RNF122: variants seen among roughly 807,000 people sequenced by gnomAD.
RNF122 encodes the protein ring finger protein 122.
In RNF122, 17 loss-of-function variants were observed where a neutral mutation model predicts 24.2. That is an observed-to-expected ratio of 0.70 (90% confidence interval 0.48 to 1.06). The LOEUF is 1.06. Among genes scored for constraint, RNF122 ranks in the 50% least tolerant of loss-of-function variants. The probability of loss-of-function intolerance (pLI) is 0.00; values close to 1 mark genes in which losing one functional copy is unlikely to be tolerated. For synonymous variants in RNF122, 65 were observed against 71.8 expected, an observed-to-expected ratio of 0.91 and a Z score of 0.48; for missense variants, 168 against 198.1, an observed-to-expected ratio of 0.85 and a Z score of 0.91.
Position 33,566,911 on chromosome 8 carries a change from A to G in RNF122, c.-188T>C, listed in dbSNP as rs2128841351. The stretch of plus-strand genomic sequence containing the variant: ...TGACGAGGCTGGTGTTCAGCCCAAC[A>G]AAGAGGGACGAGGAGGAAACAAACA... On this transcript the variant is annotated 5_prime_UTR_variant, in exon 1 of 6. Coordinates refer to ENST00000256257, the MANE Select transcript of RNF122 (RefSeq NM_024787.3). 3.1e-6 allele frequency: 2 copies of G among 647,246 alleles called. No individual in the cohort carries two copies. The highest frequency in any genetic ancestry group is 5.6e-5 in the East Asian group (2 of 35,426). 40.1% of individuals were successfully genotyped at this position (647,246 alleles called of 1,614,324 possible). A position where few individuals can be genotyped will look rare whatever the true frequency, so the allele number is the denominator to read the frequency against.
At chr8:33,549,248 CCT>C (rs1350045770) in intron 5 of RNF122, among the ~76,000 whole-genome samples, 160 bp downstream of exon 5, 6 of 148,792 alleles carry the variant, frequency 4.0e-5, no homozygotes, top group Admixed American at 4.0e-4. Flanking sequence ...TATCCCTACC[CCT>C]GTCCCAACCT....
intron 2 of RNF122, among the ~76,000 whole-genome samples, chr8:33,557,845 A>G (rs181811382): frequency 4.6e-4 from 70 of 152,144 alleles, no homozygotes; most frequent in African/African-American, 1.6e-3. Context: ...ATAAGGCGGA[A>G]TAAACAAGTA....
intron 1 of RNF122, among the ~76,000 whole-genome samples, chr8:33,560,986 G>A (rs944678922): frequency 1.1e-4 from 16 of 152,042 alleles, no homozygotes; most frequent in Admixed American, 1.1e-3. Context: ...TGGCAGAAGG[G>A]AAAGGGAAAG....
chr8:33,552,330 C>T (rs770790823), intron 2 of RNF122, among the ~76,000 whole-genome samples: 2 of 151,924 alleles, frequency 1.3e-5, no homozygotes, highest in Non-Finnish European at 2.9e-5. Flanking sequence ...ACCCAGGAGA[C>T]GGAGGTTGCA....
At chr8:33,551,719 C>A (rs930237808) in intron 2 of RNF122, among the ~76,000 whole-genome samples, 1 of 152,174 alleles carries the variant, frequency 6.6e-6, no homozygotes, top group Non-Finnish European at 1.5e-5. Context: ...ACATAGAAAT[C>A]AACACTGTGT....
chr8:33,561,255 T>G (rs954716573), intron 1 of RNF122, among the ~76,000 whole-genome samples: 1 of 152,128 alleles, frequency 6.6e-6, no homozygotes, highest in Non-Finnish European at 1.5e-5. Flanking sequence ...CCAGGATGCA[T>G]TCACATGCCA....
In RNF122 at chr8:33,558,696, G is replaced by A. The variant is rs866871197; in HGVS notation, c.101C>T (p.Pro34Leu). 7 of 1,612,416 alleles carry A rather than the reference G, an allele frequency of 4.3e-6. No homozygotes were observed. Among genetic ancestry groups the A allele is most frequent in the African/African-American group, 1.3e-5 (1 of 75,020 alleles). The change falls in exon 2 of 6, where the codon CCG becomes CTG. Residue 34 changes from proline (P) to leucine (L), a missense_variant. Coordinates refer to ENST00000256257, the MANE Select transcript of RNF122 (RefSeq NM_024787.3). Reference sequence around the variant, plus strand: ...GAAGATGACCATATAGATGTTGAGCGGAAGGTCCTGGAAACTGATGGGTGG... The same window carrying A: ...GAAGATGACCATATAGATGTTGAGCAGAAGGTCCTGGAAACTGATGGGTGG... ...SMPPISFQDLPLNIYMVIFGT... is the reference protein window; with the variant it reads ...SMPPISFQDLLLNIYMVIFGT...
intron 4 of RNF122, among the ~76,000 whole-genome samples, chr8:33,550,445 T>G (rs1292686762): frequency 1.3e-5 from 2 of 151,906 alleles, no homozygotes; most frequent in Non-Finnish European, 2.9e-5. Context: ...TGAGTAGGAG[T>G]GTCTGTGGTC....
intron 2 of RNF122, among the ~76,000 whole-genome samples, chr8:33,557,501 A>C (rs927495046): frequency 8.6e-5 from 13 of 151,834 alleles, no homozygotes; most frequent in Non-Finnish European, 1.8e-4. Flanking sequence ...CTAGGCATGC[A>C]CCCATAATTC....
intron 1 of RNF122, among the ~76,000 whole-genome samples, chr8:33,565,719 G>A (rs1490010712): frequency 6.6e-6 from 1 of 152,200 alleles, no homozygotes; most frequent in Non-Finnish European, 1.5e-5. Flanking sequence ...CGCGTCTGGA[G>A]GTGTGGCCTT....
intron 2 of RNF122, among the ~76,000 whole-genome samples, chr8:33,556,636 G>C (rs558517128): frequency 1.3e-5 from 2 of 152,190 alleles, no homozygotes; most frequent in Non-Finnish European, 2.9e-5. Flanking sequence ...GGGCAGGTTG[G>C]TGGTCAGGAA....
At chr8:33,556,233 T>C (rs1810451056) in intron 2 of RNF122, among the ~76,000 whole-genome samples, 1 of 150,564 alleles carries the variant, frequency 6.6e-6, no homozygotes, top group Non-Finnish European at 1.5e-5. Flanking sequence ...CTATTATTGG[T>C]TGATTTACGA....
chr8:33,550,196 G>C (rs1554531753), intron 4 of RNF122, among the ~76,000 whole-genome samples: 1 of 152,146 alleles, frequency 6.6e-6, no homozygotes, highest in Non-Finnish European at 1.5e-5. Context: ...GCCTCCCAAA[G>C]TTCTGGGATT....
chr8:33,555,039 CTG>C (rs1305596648), intron 2 of RNF122, among the ~76,000 whole-genome samples: 1 of 152,128 alleles, frequency 6.6e-6, no homozygotes, highest in East Asian at 1.9e-4. Flanking sequence ...GCCTCTGAGA[CTG>C]TGAAACTCCA....
intron 3 of RNF122, 112 bp downstream of exon 3, chr8:33,551,232 A>G (rs981140067): frequency 4.7e-6 from 7 of 1,475,786 alleles, no homozygotes; most frequent in Non-Finnish European, 4.7e-6. Flanking sequence ...AGGGAGACCC[A>G]GAGGTGAGGC....
rs1810322461 is a variant in RNF122 at position 33,548,573 on chromosome 8, G to C, written c.*180C>G. 4 of 533,982 alleles carry C rather than the reference G, an allele frequency of 7.5e-6. No individual in the cohort carries two copies. Among genetic ancestry groups the C allele is most frequent in the Non-Finnish European group, 1.4e-5 (4 of 295,106 alleles). 33.1% of individuals were successfully genotyped at this position (533,982 alleles called of 1,614,324 possible). A position where few individuals can be genotyped will look rare whatever the true frequency, so the allele number is the denominator to read the frequency against. On this transcript the variant is annotated 3_prime_UTR_variant, in exon 6 of 6. Coordinates refer to ENST00000256257, the MANE Select transcript of RNF122 (RefSeq NM_024787.3). ...GGAAGAAGGCTTCAGGAGGCAGGAA[G>C]TGGGGGCACATCTGGCACTGGTCTT...
chr8:33,549,536 T>C, intron 4 of RNF122, 44 bp from the exon 5 acceptor site: 1 of 1,431,424 alleles, frequency 7.0e-7, no homozygotes, highest in Non-Finnish European at 9.9e-7. Flanking sequence ...TGGGGAACCA[T>C]CTCACTCATT....
intron 2 of RNF122, among the ~76,000 whole-genome samples, chr8:33,554,018 T>C (rs904089943): frequency 6.6e-6 from 1 of 152,234 alleles, no homozygotes; most frequent in Non-Finnish European, 1.5e-5. Flanking sequence ...TCCTTCACTT[T>C]GCAGAGAGCT....
chr8:33,554,809 T>C (rs925490503), intron 2 of RNF122, among the ~76,000 whole-genome samples: 3 of 152,216 alleles, frequency 2.0e-5, no homozygotes, highest in African/African-American at 7.2e-5. Flanking sequence ...TGCCTATTTG[T>C]ACTTCCCCGG....
Sources: gnomAD v4.1 joint callset for allele counts (sites outside exome capture counted in the v4.1 genomes callset) on GRCh38, gnomAD v4.1.1 for gene constraint, MANE v1.5 for transcripts, NCBI Gene and HGNC (gene_info 2026-07-23, HGNC 2026-07-21) for gene names.